LMNTD1: variants seen among roughly 807,000 people sequenced by gnomAD.
LMNTD1 encodes lamin tail domain-containing protein 1.
Under a neutral mutation model 50.9 loss-of-function variants are expected in LMNTD1, and 35 were observed. The observed-to-expected ratio is 0.69, with a 90% CI of 0.53 to 0.91. The LOEUF (loss-of-function observed/expected upper bound fraction) is 0.91, where lower values mean the gene tolerates loss of function less well. LMNTD1 is among the 40% of genes least tolerant of loss of function. The probability of loss-of-function intolerance (pLI) is 0.00; values close to 1 mark genes in which losing one functional copy is unlikely to be tolerated. For synonymous variants in LMNTD1, 153 were observed against 161.9 expected, an observed-to-expected ratio of 0.94 and a Z score of 0.42; for missense variants, 470 against 475.5, an observed-to-expected ratio of 0.99 and a Z score of 0.11.
At chr12:25,510,170 T>A (rs1940157121) in intron 8 of LMNTD1, among the ~76,000 whole-genome samples, 1 of 152,182 alleles carries the variant, frequency 6.6e-6, no homozygotes, top group African/African-American at 2.4e-5. Context: ...CTCTGCGCAT[T>A]CATGTGGGAT....
Position 25,480,358 on chromosome 12 carries a change from T to C in LMNTD1, c.*23-3898A>G, listed in dbSNP as rs1938405779. 2.0e-5 allele frequency among the ~76,000 whole-genome samples: 3 copies of C among 152,202 alleles called. No homozygotes were observed. In the South Asian group the frequency reaches 6.2e-4, roughly 32 times the overall value. On this transcript the variant is annotated intron_variant, in intron 9 of 9. Transcript: ENST00000458174. ...TGCCACAGCTTTCCAGTGCTGAAAG[T>C]AGTGTCTTGAAGGGACACTTGAGCC...
At position 25,526,153 on chromosome 12, in the gene LMNTD1, G is replaced by A; in HGVS notation, c.744C>T (p.Asp248=). 6.2e-7 allele frequency: 1 copy of A among 1,610,642 alleles called. No individual in the cohort carries two copies. Among genetic ancestry groups the A allele is most frequent in the Non-Finnish European group, 8.5e-7 (1 of 1,178,118 alleles). The change falls in exon 6 of 10, where the codon GAC becomes GAT. Residue 248 remains aspartate, a synonymous_variant. Transcript: ENST00000458174. The part of the protein sequence containing the change: ...PPSDFLWKEQ[D]KFRASPDCIT... ...TACAATCAGGACTTGCTCTAAACTT[G>A]TCTTGTTCCTTCCAAAGAAAATCTG...
intron 9 of LMNTD1, among the ~76,000 whole-genome samples, chr12:25,495,933 G>A (rs1939048109): frequency 6.6e-6 from 1 of 152,102 alleles, no homozygotes; most frequent in Non-Finnish European, 1.5e-5. Flanking sequence ...CCACATTTTT[G>A]GCTACTCATG....
At chr12:25,521,037 C>T (rs187963804) in intron 6 of LMNTD1, among the ~76,000 whole-genome samples, 1 of 152,154 alleles carries the variant, frequency 6.6e-6, no homozygotes, top group Admixed American at 6.5e-5. Flanking sequence ...AGGTCTTTTG[C>T]CTGTTTTCTA....
chr12:25,608,368 T>G (rs1250229556), intron 1 of LMNTD1, among the ~76,000 whole-genome samples: 1 of 152,254 alleles, frequency 6.6e-6, no homozygotes, highest in Non-Finnish European at 1.5e-5. Context: ...AATGTGAACC[T>G]GTCATTATGA....
upstream of LMNTD1, among the ~76,000 whole-genome samples, chr12:25,553,460 C>A (rs1270541784): frequency 6.6e-6 from 1 of 152,122 alleles, no homozygotes; most frequent in East Asian, 1.9e-4. Flanking sequence ...GACTTTGCCA[C>A]CAAAATTATT....
At chr12:25,544,727 A>G (rs933035368) in intron 4 of LMNTD1, among the ~76,000 whole-genome samples, 1 of 151,504 alleles carries the variant, frequency 6.6e-6, no homozygotes, top group African/African-American at 2.4e-5. Flanking sequence ...AGGTTTTTGC[A>G]TTGTGGTTAC....
chr12:25,579,481 C>A (rs1319157042), intron 1 of LMNTD1, among the ~76,000 whole-genome samples: 1 of 152,106 alleles, frequency 6.6e-6, no homozygotes. Flanking sequence ...AACCAATCCC[C>A]CATGGATACC....
chr12:25,495,920 A>G (rs891947725), intron 9 of LMNTD1, among the ~76,000 whole-genome samples: 2 of 152,194 alleles, frequency 1.3e-5, no homozygotes, highest in African/African-American at 4.8e-5. Context: ...ATACTTAAAT[A>G]TACCACATTT....
chr12:25,535,987 T>C (rs1417063096), intron 4 of LMNTD1, among the ~76,000 whole-genome samples: 1 of 81,904 alleles, frequency 1.2e-5, no homozygotes, highest in Admixed American at 1.4e-4. Context: ...ATAAAGAAAG[T>C]CATTTCATAA....
chr12:25,643,123 A>C (rs1946987787), intron 1 of LMNTD1, among the ~76,000 whole-genome samples: 1 of 152,234 alleles, frequency 6.6e-6, no homozygotes, highest in Non-Finnish European at 1.5e-5. Flanking sequence ...AGAAAAAAAC[A>C]TATAACATGG....
chr12:25,549,057 G>A (rs551832144), intron 3 of LMNTD1, among the ~76,000 whole-genome samples: 10 of 151,942 alleles, frequency 6.6e-5, no homozygotes, highest in South Asian at 2.1e-4. Context: ...GTATGTTAGC[G>A]GTCAACTCAT....
intron 9 of LMNTD1, chr12:25,497,586 T>C (rs372828667): frequency 8.5e-5 from 13 of 152,248 alleles, no homozygotes; most frequent in Admixed American, 2.0e-4. Flanking sequence ...TCACCTGAGG[T>C]CAGGAATTCG....
Position 25,553,186 on chromosome 12 carries a change from T to C in LMNTD1, c.-148A>G. The C allele has an allele frequency of 6.3e-7, 1 of 1,591,762 alleles. No individual in the cohort carries two copies. The highest frequency in any genetic ancestry group is 8.5e-7 in the Non-Finnish European group (1 of 1,171,298). ...GTACCAACATAGCCAATCCTGATCT[T>C]GGCTAAGGATGTCGGACAAACCATG... On this transcript the variant is annotated 5_prime_UTR_variant, in exon 1 of 10. Transcript: ENST00000458174.
intron 1 of LMNTD1, among the ~76,000 whole-genome samples, chr12:25,560,854 A>T (rs868034573): frequency 1.7e-4 from 26 of 152,134 alleles, no homozygotes; most frequent in African/African-American, 6.3e-4. Flanking sequence ...GATGTATAGG[A>T]ATGCTTGTGA....
At chr12:25,514,625 A>T (rs560219315) in intron 8 of LMNTD1, among the ~76,000 whole-genome samples, 3 of 152,120 alleles carry the variant, frequency 2.0e-5, no homozygotes, top group Non-Finnish European at 4.4e-5. Flanking sequence ...ACTACAGTCA[A>T]TAATAACTTA....
intron 1 of LMNTD1, among the ~76,000 whole-genome samples, chr12:25,646,117 C>A (rs139086748): frequency 2.8e-3 from 419 of 151,992 alleles, no homozygotes; most frequent in Non-Finnish European, 5.0e-3. Flanking sequence ...AATCACAATA[C>A]CTGGGTTAAT....
At chr12:25,627,527 G>A (rs886747870) in intron 1 of LMNTD1, among the ~76,000 whole-genome samples, 2 of 152,170 alleles carry the variant, frequency 1.3e-5, no homozygotes, top group African/African-American at 4.8e-5. Flanking sequence ...AGTGCTGGAA[G>A]GGATCACGCT....
intron 1 of LMNTD1, among the ~76,000 whole-genome samples, chr12:25,582,114 G>T (rs1945315757): frequency 6.6e-6 from 1 of 152,224 alleles, no homozygotes. Context: ...GGGAGAGGAA[G>T]ATTATATGGT....
Sources: allele counts gnomAD v4.1 joint callset (sites outside exome capture counted in the v4.1 genomes callset), GRCh38; gene constraint gnomAD v4.1.1; transcripts MANE v1.5; gene names NCBI Gene and HGNC (gene_info 2026-07-23, HGNC 2026-07-21).